PARD3B: variants seen among roughly 807,000 people sequenced by gnomAD.
The protein encoded by PARD3B is par-3 family cell polarity regulator beta, also known as partitioning defective 3 homolog B.
In PARD3B, 103 loss-of-function variants were observed where a neutral mutation model predicts 130.2. The observed-to-expected ratio is 0.79, with a 90% CI of 0.67 to 0.93. PARD3B has a LOEUF of 0.93. Ranked by LOEUF, PARD3B falls within the 40% of genes least tolerant of loss-of-function variation. The pLI, the probability that PARD3B is intolerant of heterozygous loss-of-function variation, is 0.00. For missense variants in PARD3B, 1,609 were observed against 1,499.2 expected (o/e 1.07, Z -1.21); for synonymous variants, 583 against 553.2 (o/e 1.05, Z -0.76).
At chr2:204,971,629 T>C (rs1239751461) in intron 3 of PARD3B, among the ~76,000 whole-genome samples, 2 of 152,168 alleles carry the variant, frequency 1.3e-5, no homozygotes, top group East Asian at 1.9e-4. Context: ...TGTTTTTTTT[T>C]TCCCCCTCCA....
chr2:204,965,455 A>T (rs1559307352), intron 3 of PARD3B, 132 bp downstream of exon 3: 3 of 978,278 alleles, frequency 3.1e-6, no homozygotes, highest in Non-Finnish European at 4.4e-6. Context: ...TCTTTAAATT[A>T]TTTTTTTACA....
intron 2 of PARD3B, among the ~76,000 whole-genome samples, chr2:204,785,183 C>T (rs2041963914): frequency 6.6e-6 from 1 of 152,156 alleles, no homozygotes. Flanking sequence ...AATGCTTAAT[C>T]AGTTTTTAAC....
intron 2 of PARD3B, among the ~76,000 whole-genome samples, chr2:204,731,906 GA>G (rs562463678): frequency 2.2e-4 from 34 of 152,090 alleles, no homozygotes; most frequent in Admixed American, 1.6e-3. Context: ...TGAATTACCT[GA>G]ACTCTCTAAC....
chr2:204,702,496 A>C (rs1271256289), intron 2 of PARD3B, among the ~76,000 whole-genome samples: 1 of 152,176 alleles, frequency 6.6e-6, no homozygotes, highest in African/African-American at 2.4e-5. Context: ...ATTAATAATG[A>C]TGAGCATTTT....
At chr2:204,577,839 A>T (rs1364530373) in intron 1 of PARD3B, among the ~76,000 whole-genome samples, 2 of 151,926 alleles carry the variant, frequency 1.3e-5, no homozygotes, top group East Asian at 1.9e-4. Flanking sequence ...AAATGCTGGG[A>T]TTATAGACAT....
rs888937868 is a variant in PARD3B, at chr2:204,678,642, T to C, written c.121-7539T>C. ...CTAGCCTTAGTCTCTGATGCGCAGT[T>C]GCTTCTAGTCTCTGATGCGCAGTTG... is the stretch of plus-strand genomic sequence containing the variant. On this transcript the variant is annotated intron_variant, in intron 1 of 22. Transcript: ENST00000406610. This position sits in a 1 kb window ranked among gnomAD's most constrained non-coding sequence, Gnocchi z 4.2. 6.6e-6 allele frequency among the ~76,000 whole-genome samples: 1 copy of C among 152,048 alleles called. No homozygotes were observed.
At chr2:205,569,806 T>C (rs1181701077) in intron 22 of PARD3B, among the ~76,000 whole-genome samples, 1 of 152,180 alleles carries the variant, frequency 6.6e-6, no homozygotes, top group East Asian at 1.9e-4. Flanking sequence ...ATCATCCAAT[T>C]GGGCTTTTTT....
chr2:204,994,210 G>C (rs1693952959), intron 3 of PARD3B, among the ~76,000 whole-genome samples: 1 of 133,382 alleles, frequency 7.5e-6, no homozygotes, highest in Admixed American at 7.7e-5. Context: ...TTCTCTTGTA[G>C]GCATTTAGTG....
At chr2:204,652,212 C>T (rs759416091) in intron 1 of PARD3B, among the ~76,000 whole-genome samples, 17 of 152,078 alleles carry the variant, frequency 1.1e-4, no homozygotes, top group Non-Finnish European at 1.9e-4. Context: ...CATGGCCAGG[C>T]GCAAATTTTC....
chr2:205,550,957 A>ATATATATATATATATATATGTG lies in PARD3B; in HGVS notation c.3181-2348_3181-2347insGTGTATATATATATATATATAT, dbSNP rs2052609052. Among the ~76,000 whole-genome samples the ATATATATATATATATATATGTG allele has an allele frequency of 9.4e-5, 8 of 84,798 alleles. No homozygotes were observed. Among genetic ancestry groups the ATATATATATATATATATATGTG allele is most frequent in the African/African-American group, 4.8e-4 (8 of 16,786 alleles). The allele number at this position is 84,798 out of a possible 152,430, so 55.6% of individuals were successfully genotyped here. On this transcript the variant is annotated intron_variant, in intron 21 of 22. Coordinates refer to ENST00000406610, the MANE Select transcript of PARD3B (RefSeq NM_001302769.2). The surrounding 1 kb of genome is among the most constrained non-coding windows in gnomAD (Gnocchi z 4.5). ...TGTGTGTGTGTATATATATATGTGT[A>ATATATATATATATATATATGTG]TATATATATATATATATATACACAC...
intron 5 of PARD3B, among the ~76,000 whole-genome samples, chr2:205,106,897 C>T (rs560978141): frequency 6.6e-6 from 1 of 152,206 alleles, no homozygotes; most frequent in East Asian, 1.9e-4. Context: ...TTGGAGGTTA[C>T]AGTTCTAAGA....
At chr2:205,033,884 A>G (rs985477564) in intron 3 of PARD3B, among the ~76,000 whole-genome samples, 8 of 152,182 alleles carry the variant, frequency 5.3e-5, no homozygotes, top group Non-Finnish European at 1.0e-4. Context: ...AAGCCACAGT[A>G]ATTGACGAGA....
chr2:205,508,646 C>G (rs1441083718), intron 21 of PARD3B, among the ~76,000 whole-genome samples: 1 of 152,082 alleles, frequency 6.6e-6, no homozygotes, highest in Non-Finnish European at 1.5e-5. Flanking sequence ...ATGGGCAATC[C>G]CTTCTCAGTT....
chr2:204,745,853 G>A (rs1025663391), intron 2 of PARD3B, among the ~76,000 whole-genome samples: 1 of 151,788 alleles, frequency 6.6e-6, no homozygotes, highest in South Asian at 2.1e-4. Context: ...GCTGAATTCC[G>A]CCATGGACTC....
chr2:205,153,227 TG>T (rs747439116), intron 10 of PARD3B, among the ~76,000 whole-genome samples: 10 of 152,146 alleles, frequency 6.6e-5, no homozygotes, highest in Non-Finnish European at 1.0e-4. Flanking sequence ...TTAGGCTACT[TG>T]GGGGTCAGGG....
intron 16 of PARD3B, among the ~76,000 whole-genome samples, chr2:205,266,775 T>G (rs1203564453): frequency 6.6e-6 from 1 of 152,144 alleles, no homozygotes; most frequent in Non-Finnish European, 1.5e-5. Flanking sequence ...GGTCTCTGAT[T>G]CAACCAGGAA....
intron 2 of PARD3B, among the ~76,000 whole-genome samples, chr2:204,844,047 G>C (rs1232046409): frequency 6.6e-6 from 1 of 152,148 alleles, no homozygotes; most frequent in East Asian, 1.9e-4. Context: ...TAACAGGAGA[G>C]AGAAACTACT....
chr2:205,551,359 T>C (rs1164796897), intron 21 of PARD3B, among the ~76,000 whole-genome samples: 2 of 151,918 alleles, frequency 1.3e-5, no homozygotes, highest in East Asian at 3.9e-4. Flanking sequence ...TTCTTTTTTT[T>C]TTTTTTATCC....
In PARD3B at chr2:204,624,919, C is replaced by T. The variant is rs182694797; in HGVS notation, c.121-61262C>T. Among the ~76,000 whole-genome samples, 376 of 152,174 alleles carry T rather than the reference C, an allele frequency of 2.5e-3. 1 individual carries two copies. Among genetic ancestry groups the T allele is most frequent in the Middle Eastern group, 6.8e-3 (2 of 294 alleles). ...TTGATATTGTCACTATTTAATTCTT[C>T]GGTCATTCTAATAATTGTGTAGTGA... is the stretch of plus-strand genomic sequence containing the variant. On this transcript the variant is annotated intron_variant, in intron 1 of 22. Coordinates refer to ENST00000406610, the MANE Select transcript of PARD3B (RefSeq NM_001302769.2).
Sources: gnomAD v4.1 joint callset for allele counts (sites outside exome capture counted in the v4.1 genomes callset) on GRCh38, gnomAD v4.1.1 for gene constraint, Gnocchi (gnomAD v3.1) non-coding constraint, MANE v1.5 for transcripts, NCBI Gene and HGNC (gene_info 2026-07-23, HGNC 2026-07-21) for gene names.